Variants in TRAIP observed in about 807,000 individuals in gnomAD.
TRAIP encodes TRAF interacting protein, also known as E3 ubiquitin-protein ligase TRAIP.
TRAIP carries 37 observed loss-of-function variants against 65.0 expected under a neutral mutation model. That is an observed-to-expected ratio of 0.57 (90% CI 0.44 to 0.75). The LOEUF (loss-of-function observed/expected upper bound fraction) is 0.75. Among genes scored for constraint, TRAIP ranks in the 30% least tolerant of loss-of-function variants. TRAIP has a pLI of 0.00. For synonymous variants in TRAIP, 187 were observed against 219.1 expected (o/e 0.85, Z 1.29); for missense variants, 481 against 579.4 (o/e 0.83, Z 1.74).
chr3:49,850,894 G>A lies in TRAIP; in HGVS notation c.99-2694C>T, dbSNP rs148195548. Among the ~76,000 whole-genome samples the A allele has an allele frequency of 3.0e-3, 458 of 151,568 alleles. 6 individuals are homozygous for A. The highest frequency in any genetic ancestry group is 0.014 in the East Asian group (71 of 5,142). ...CTGCTCTCAAACTCCTGATCCACCC[G>A]CCTCGGACTCCCAAAATGCTGGGAT... On this transcript the variant is annotated intron_variant, in intron 1 of 14. Transcript: ENST00000331456.
In TRAIP at chr3:49,841,815, A is replaced by G. The variant is rs778129140; in HGVS notation, c.617+11T>C. 4 of 1,608,870 alleles carry G rather than the reference A, an allele frequency of 2.5e-6. No individual in the cohort carries two copies. In the African/African-American group the frequency reaches 4.0e-5, roughly 16 times the overall value. ...TCTCCTGTGTTTGCTGAGAGGGGCC[A>G]CAGTACGCACTTCTTGAGAGACACA... On this transcript the variant is annotated intron_variant, in intron 7 of 14. Coordinates refer to ENST00000331456, the MANE Select transcript of TRAIP (RefSeq NM_005879.3).
intron 3 of TRAIP, among the ~76,000 whole-genome samples, chr3:49,846,361 G>C (rs1258446612): frequency 6.6e-6 from 1 of 152,140 alleles, no homozygotes; most frequent in Non-Finnish European, 1.5e-5. Context: ...ATCACGCCCA[G>C]CCTCCCCAGG....
Position 49,840,385 on chromosome 3 carries a change from T to C in TRAIP, c.706-12A>G. ...TAGACTGTCTGCAACTATAAGAAAG[T>C]GTAGGGAATGAAAGACAAGCCAAGT... On this transcript the variant is annotated splice_polypyrimidine_tract_variant and intron_variant, in intron 8 of 14. Transcript: ENST00000331456. The C allele has an allele frequency of 1.2e-6, 2 of 1,612,634 alleles. No individual in the cohort carries two copies. The highest frequency in any genetic ancestry group is 1.3e-5 in the African/African-American group (1 of 74,994).
At chr3:49,854,840 T>C (rs887601634) in intron 1 of TRAIP, among the ~76,000 whole-genome samples, 2 of 151,770 alleles carry the variant, frequency 1.3e-5, no homozygotes, top group African/African-American at 2.4e-5. Context: ...GTGGATTACT[T>C]GAGTCCAGGG....
rs750553496 is a variant in TRAIP, at chr3:49,842,482, C to T, written c.474G>A (p.Arg158=). The change falls in exon 6 of 15, where the codon CGG becomes CGA. Residue 158 remains arginine, a synonymous_variant. Coordinates refer to ENST00000331456, the MANE Select transcript of TRAIP (RefSeq NM_005879.3). ...ETKQAQEEAR[R]LRSKMKTMEQ... is the part of the protein sequence containing the mutation. ...CCATGGTCTTCATCTTGCTCCTGAG[C>T]CGGCGGGCCTCCTCTTGTGCTTGTT... 4.3e-6 allele frequency: 7 copies of T among 1,613,994 alleles called. No homozygotes were observed. The highest frequency in any genetic ancestry group is 4.2e-6 in the Non-Finnish European group (5 of 1,179,986).
intron 3 of TRAIP, among the ~76,000 whole-genome samples, chr3:49,846,859 C>T (rs2081887132): frequency 6.6e-6 from 1 of 152,044 alleles, no homozygotes; most frequent in Non-Finnish European, 1.5e-5. Flanking sequence ...GGTAACATAG[C>T]AAGGCCCTAT....
chr3:49,829,781 C>T lies in TRAIP; in HGVS notation c.1087-15G>A, dbSNP rs762530926. 1.2e-6 allele frequency: 2 copies of T among 1,613,536 alleles called. No homozygotes were observed. Among genetic ancestry groups the T allele is most frequent in the African/African-American group, 2.7e-5 (2 of 74,884 alleles). ...AGCTGGGACTCCTGCAGGGAAGACC[C>T]CAGGGCCAGACTTGATGAGCTGGAT... On this transcript the variant is annotated splice_polypyrimidine_tract_variant and intron_variant, in intron 12 of 14. Coordinates refer to ENST00000331456, the MANE Select transcript of TRAIP (RefSeq NM_005879.3).
At chr3:49,852,874 C>T (rs2081945147) in intron 1 of TRAIP, among the ~76,000 whole-genome samples, 1 of 152,172 alleles carries the variant, frequency 6.6e-6, no homozygotes, top group Admixed American at 6.5e-5. Flanking sequence ...GTAATCCCGG[C>T]ACTTTGGGAG....
intron 7 of TRAIP, 89 bp from the exon 8 acceptor site, chr3:49,841,161 C>A: frequency 9.4e-7 from 1 of 1,058,822 alleles, no homozygotes; most frequent in Non-Finnish European, 1.5e-6. Context: ...AAGCACTGCC[C>A]AACCCCTCAA....
At position 49,830,715 on chromosome 3, in the gene TRAIP, C is replaced by A. The variant is rs528904113; in HGVS notation, c.1038-647G>T. On this transcript the variant is annotated intron_variant, in intron 11 of 14. Coordinates refer to ENST00000331456, the MANE Select transcript of TRAIP (RefSeq NM_005879.3). ...TCCTGGGGAACCCAGCAGCTGGATA[C>A]CCTCTCCTGGCATTTTCCCTGGTGG... Among the ~76,000 whole-genome samples the A allele has an allele frequency of 3.3e-5, 5 of 152,350 alleles. No homozygotes were observed. The South Asian group carries it at 1.0e-3, about 32-fold the overall frequency.
chr3:49,846,603 C>A (rs1475914337), intron 3 of TRAIP, among the ~76,000 whole-genome samples: 1 of 152,224 alleles, frequency 6.6e-6, no homozygotes, highest in Non-Finnish European at 1.5e-5. Context: ...TCCCCTCTTC[C>A]CTCACAGTGC....
At position 49,856,501 on chromosome 3, in the gene TRAIP, T is replaced by C. The variant is rs748850963; in HGVS notation, c.-48A>G. 8.4e-6 allele frequency: 13 copies of C among 1,551,714 alleles called. No homozygotes were observed. In the South Asian group the frequency reaches 9.3e-5, roughly 11 times the overall value. On this transcript the variant is annotated 5_prime_UTR_variant, in exon 1 of 15. Transcript: ENST00000331456. ...AGGCAGCCAAAGAAACTGCTACAGGTCCGGCTTCGTAGACGCGCCCCCGCG... is the reference window on the plus strand; with the variant it reads ...AGGCAGCCAAAGAAACTGCTACAGGCCCGGCTTCGTAGACGCGCCCCCGCG...
chr3:49,837,782 A>G (rs972008418), intron 10 of TRAIP, among the ~76,000 whole-genome samples: 1 of 151,908 alleles, frequency 6.6e-6, no homozygotes, highest in African/African-American at 2.4e-5. Context: ...GGGTTTCACC[A>G]TATTGGTCAG....
At chr3:49,845,827 G>T (rs2081877388) in intron 3 of TRAIP, among the ~76,000 whole-genome samples, 1 of 152,180 alleles carries the variant, frequency 6.6e-6, no homozygotes, top group South Asian at 2.1e-4. Context: ...ACTTAAAACT[G>T]GGAGCAGTTA....
At chr3:49,841,606 A>C (rs2081839827) in intron 7 of TRAIP, among the ~76,000 whole-genome samples, 1 of 152,268 alleles carries the variant, frequency 6.6e-6, no homozygotes. Context: ...AGGCAGGTCT[A>C]CTACTATTTC....
intron 1 of TRAIP, among the ~76,000 whole-genome samples, chr3:49,849,822 T>C (rs544950361): frequency 6.7e-6 from 1 of 150,368 alleles, no homozygotes; most frequent in Non-Finnish European, 1.5e-5. Context: ...TTCCTATAAG[T>C]ACATTTTCTT....
intron 10 of TRAIP, among the ~76,000 whole-genome samples, chr3:49,836,346 G>T (rs975205607): frequency 1.3e-5 from 2 of 151,994 alleles, no homozygotes; most frequent in Non-Finnish European, 2.9e-5. Flanking sequence ...CAAAAAACTA[G>T]CTGGGCATGG....
At chr3:49,832,658 A>G (rs1378725115) in intron 10 of TRAIP, among the ~76,000 whole-genome samples, 2 of 107,512 alleles carry the variant, frequency 1.9e-5, no homozygotes, top group African/African-American at 7.4e-5. Flanking sequence ...ATAACTCCCT[A>G]TTTTCCAAAT....
chr3:49,831,926 C>T lies in TRAIP; in HGVS notation c.1027G>A (p.Glu343Lys). The T allele has an allele frequency of 1.3e-6, 2 of 1,584,050 alleles. No individual in the cohort carries two copies. The highest frequency in any genetic ancestry group is 1.7e-6 in the Non-Finnish European group (2 of 1,164,692). Residue 343 changes from glutamate (E) to lysine (K), a missense_variant, in exon 11 of 15, where the codon GAG (glutamate) becomes AAG (lysine). Coordinates refer to ENST00000331456, the MANE Select transcript of TRAIP (RefSeq NM_005879.3). ...GCGACTATCACTCACTGTGACTTCT[C>T]TAGGCAAAGTTTTTCGTAGTAACCA... ...QHGYYEKLCL[E>K]KSHSPIQDVP...
Sources: allele counts gnomAD v4.1 joint callset (sites outside exome capture counted in the v4.1 genomes callset), GRCh38; gene constraint gnomAD v4.1.1; transcripts MANE v1.5; gene names NCBI Gene and HGNC (gene_info 2026-07-23, HGNC 2026-07-21).